VPS53: variants seen among roughly 807,000 people sequenced by gnomAD.
VPS53 encodes VPS53 subunit of GARP complex, also known as vacuolar protein sorting-associated protein 53 homolog.
A neutral mutation model predicts 107.0 loss-of-function variants in VPS53; 70 were observed. That is an observed-to-expected ratio of 0.65 (90% CI 0.54 to 0.80). The LOEUF (loss-of-function observed/expected upper bound fraction) is 0.80. Among genes scored for constraint, VPS53 ranks in the 30% least tolerant of loss-of-function variants. The probability of loss-of-function intolerance (pLI) is 0.00; values close to 1 mark genes in which losing one functional copy is unlikely to be tolerated. For synonymous variants in VPS53, 409 were observed against 393.3 expected, an observed-to-expected ratio of 1.04 and a Z score of -0.47; for missense variants, 917 against 1,049.4, an observed-to-expected ratio of 0.87 and a Z score of 1.74.
chr17:576,083 C>T (rs1160780554), intron 13 of VPS53, among the ~76,000 whole-genome samples: 1 of 151,620 alleles, frequency 6.6e-6, no homozygotes, highest in South Asian at 2.1e-4. Context: ...CAAATGAGTT[C>T]CGAAAAACCA....
chr17:594,437 G>T (rs1293251419), intron 12 of VPS53, among the ~76,000 whole-genome samples: 1 of 152,086 alleles, frequency 6.6e-6, no homozygotes, highest in African/African-American at 2.4e-5. Flanking sequence ...CAATTTCCTG[G>T]TTTGATGATG....
chr17:589,596 A>G (rs1359774951), intron 12 of VPS53, among the ~76,000 whole-genome samples: 1 of 152,188 alleles, frequency 6.6e-6, no homozygotes, highest in Non-Finnish European at 1.5e-5. Flanking sequence ...CTTTTCTCTT[A>G]GTTTGACATT....
At chr17:653,141 A>G in intron 7 of VPS53, 150 bp downstream of exon 7, 1 of 1,557,394 alleles carries the variant, frequency 6.4e-7, no homozygotes, top group South Asian at 1.2e-5. Flanking sequence ...TGGAATCCCC[A>G]TATACTTTCC....
At chr17:610,397 T>G (rs190010586) in intron 11 of VPS53, among the ~76,000 whole-genome samples, 4 of 152,100 alleles carry the variant, frequency 2.6e-5, no homozygotes, top group Non-Finnish European at 5.9e-5. Context: ...ATCAAAGATA[T>G]AAATGTAGCA....
intron 13 of VPS53, among the ~76,000 whole-genome samples, chr17:568,774 C>T (rs1913783761): frequency 2.0e-5 from 3 of 152,236 alleles, no homozygotes; most frequent in Non-Finnish European, 2.9e-5. Flanking sequence ...CAGTTGCCAA[C>T]GTTGAATGGG....
intron 3 of VPS53, among the ~76,000 whole-genome samples, chr17:698,988 T>C (rs987949160): frequency 2.6e-5 from 4 of 151,956 alleles, no homozygotes; most frequent in African/African-American, 7.2e-5. Flanking sequence ...ACCAACATGG[T>C]GAAACCCCGT....
At chr17:546,159 A>C (rs945653651) in intron 17 of VPS53, among the ~76,000 whole-genome samples, 1 of 152,256 alleles carries the variant, frequency 6.6e-6, no homozygotes, top group African/African-American at 2.4e-5. Context: ...TTTCAGCAAA[A>C]GAATGCTGCT....
chr17:533,986 C>T (rs890291826), intron 18 of VPS53, among the ~76,000 whole-genome samples: 29 of 152,142 alleles, frequency 1.9e-4, no homozygotes, highest in South Asian at 8.3e-4. Flanking sequence ...ACTACAGGCA[C>T]GCACCAGCAT....
At chr17:652,539 G>A (rs972719960) in intron 7 of VPS53, among the ~76,000 whole-genome samples, 1 of 152,198 alleles carries the variant, frequency 6.6e-6, no homozygotes, top group Middle Eastern at 3.4e-3. Flanking sequence ...CAAGCAGCCC[G>A]TGGAAGACAA....
At position 623,682 on chromosome 17, in the gene VPS53, A is replaced by T. The variant is rs758984679; in HGVS notation, c.975-8T>A. ...ATCTTGGCAAGTTCTGCCCTTCAAA[A>T]CAAAGAGATAAGAATACTATCAAAC... On this transcript the variant is annotated splice_region_variant and splice_polypyrimidine_tract_variant and intron_variant, in intron 10 of 21. Transcript: ENST00000437048. The T allele has an allele frequency of 1.2e-6, 2 of 1,608,030 alleles. No individual in the cohort carries two copies. Among genetic ancestry groups the T allele is most frequent in the South Asian group, 2.2e-5 (2 of 90,678 alleles).
intron 13 of VPS53, among the ~76,000 whole-genome samples, chr17:585,164 C>T (rs1453982170): frequency 6.6e-6 from 1 of 152,104 alleles, no homozygotes; most frequent in Non-Finnish European, 1.5e-5. Context: ...GCAGGTACCA[C>T]CTAAAGCAAG....
intron 11 of VPS53, among the ~76,000 whole-genome samples, chr17:619,024 GGC>G (rs1969313899): frequency 2.8e-4 from 34 of 120,516 alleles, no homozygotes; most frequent in South Asian, 5.6e-4. Flanking sequence ...TGGGACTACA[GGC>G]GCACACCACC....
At chr17:680,415 C>G (rs554641509) in intron 4 of VPS53, among the ~76,000 whole-genome samples, 39 of 152,134 alleles carry the variant, frequency 2.6e-4, no homozygotes, top group Non-Finnish European at 5.3e-4. Flanking sequence ...GATAAAAATA[C>G]TAGGATTCAA....
At chr17:653,081 T>C (rs1266520637) in intron 7 of VPS53, 2 of 985,288 alleles carry the variant, frequency 2.0e-6, no homozygotes, top group East Asian at 1.1e-4. Context: ...GGAATCCCCA[T>C]ATACTTTCCC....
At chr17:556,332 C>T (rs1188777583) in intron 15 of VPS53, among the ~76,000 whole-genome samples, 1 of 152,126 alleles carries the variant, frequency 6.6e-6, no homozygotes, top group Non-Finnish European at 1.5e-5. Context: ...TTAAAAGCAA[C>T]ACCAATAATA....
intron 5 of VPS53, among the ~76,000 whole-genome samples, chr17:659,322 C>T (rs1455027322): frequency 3.3e-5 from 5 of 152,062 alleles, no homozygotes; most frequent in Admixed American, 2.0e-4. Context: ...TTCGCTCTGT[C>T]GCCCAGGCTG....
Position 564,433 on chromosome 17 carries a change from C to G in VPS53, c.1314-1688G>C, listed in dbSNP as rs1913300261. ...CGGGTGCCCGTAGTCCCAGCTACTT[C>G]AGAGGCTGAGGCAGGAGAATGGCAT... On this transcript the variant is annotated intron_variant, in intron 13 of 21. Transcript: ENST00000437048. Among the ~76,000 whole-genome samples, 2 of 151,404 alleles carry G rather than the reference C, an allele frequency of 1.3e-5. 1 individual carries two copies. Among genetic ancestry groups the G allele is most frequent in the South Asian group, 4.2e-4 (2 of 4,810 alleles).
At chr17:560,928 C>T (rs186467670) in intron 14 of VPS53, among the ~76,000 whole-genome samples, 2 of 152,340 alleles carry the variant, frequency 1.3e-5, no homozygotes, top group East Asian at 3.9e-4. Context: ...GTTACCTACC[C>T]TGTTTCTTTC....
chr17:642,147 G>A (rs1017445108), intron 7 of VPS53, among the ~76,000 whole-genome samples: 41 of 152,204 alleles, frequency 2.7e-4, no homozygotes, highest in African/African-American at 9.4e-4. Context: ...TAAATATACC[G>A]CCCTCCCAAA....
Sources: gnomAD v4.1 joint callset for allele counts (sites outside exome capture counted in the v4.1 genomes callset) on GRCh38, gnomAD v4.1.1 for gene constraint, MANE v1.5 for transcripts, NCBI Gene and HGNC (gene_info 2026-07-23, HGNC 2026-07-21) for gene names.